Variants in IFT140 observed in about 807,000 individuals in gnomAD.
The protein encoded by IFT140 is intraflagellar transport protein 140 homolog.
In IFT140, 133 loss-of-function variants were observed where a neutral mutation model predicts 164.6. That is an observed-to-expected ratio of 0.81 (90% CI 0.70 to 0.93). The LOEUF (loss-of-function observed/expected upper bound fraction) is 0.93. Ranked by LOEUF, IFT140 falls within the 40% of genes least tolerant of loss-of-function variation. The pLI, the probability that IFT140 is intolerant of heterozygous loss-of-function variation, is 0.00. For synonymous variants in IFT140, 860 were observed against 817.3 expected (o/e 1.05, Z -0.89); for missense variants, 2,045 against 1,972.3 (o/e 1.04, Z -0.70).
intron 18 of IFT140, among the ~76,000 whole-genome samples, chr16:1,559,809 T>C (rs574088715): frequency 2.6e-5 from 4 of 152,258 alleles, no homozygotes; most frequent in African/African-American, 9.6e-5. Flanking sequence ...CACAGACAAT[T>C]GTACTGAAAA....
intron 13 of IFT140, among the ~76,000 whole-genome samples, chr16:1,573,683 C>T (rs1015319888): frequency 7.2e-5 from 11 of 152,080 alleles, no homozygotes; most frequent in Non-Finnish European, 1.0e-4. Flanking sequence ...ACTAGTCACC[C>T]CCCTTATAAG....
At chr16:1,513,071 C>T (rs1415326068) in intron 30 of IFT140, 1 of 152,182 alleles carries the variant, frequency 6.6e-6, no homozygotes, top group Admixed American at 6.5e-5. Flanking sequence ...GTTTGTGAGT[C>T]CCGGGAACTA....
At chr16:1,534,551 C>T in intron 19 of IFT140, 1 of 1,602,682 alleles carries the variant, frequency 6.2e-7, no homozygotes, top group Non-Finnish European at 8.5e-7. Flanking sequence ...GAGGCACCGT[C>T]AAACGTAAGT....
At chr16:1,611,341 A>T (rs965794597) in intron 1 of IFT140, among the ~76,000 whole-genome samples, 3 of 152,052 alleles carry the variant, frequency 2.0e-5, no homozygotes, top group Middle Eastern at 3.2e-3. Context: ...CCTGTCTCTA[A>T]AAAATTACAA....
intron 17 of IFT140, among the ~76,000 whole-genome samples, chr16:1,563,684 C>T (rs2033551380): frequency 1.3e-5 from 2 of 152,236 alleles, no homozygotes; most frequent in Admixed American, 6.5e-5. Flanking sequence ...GTTACAGTGA[C>T]GCTGCCATCA....
chr16:1,603,770 C>T (rs530091593), intron 3 of IFT140, among the ~76,000 whole-genome samples: 2 of 152,338 alleles, frequency 1.3e-5, no homozygotes, highest in Admixed American at 1.3e-4. Flanking sequence ...CGTGAGCCAC[C>T]GTGCCCGGCC....
chr16:1,566,854 A>C (rs1596377355), intron 15 of IFT140, among the ~76,000 whole-genome samples: 1 of 150,830 alleles, frequency 6.6e-6, no homozygotes, highest in Admixed American at 6.6e-5. Context: ...CAGTGGCCCC[A>C]CCTCCCTGGC....
chr16:1,583,301 G>A lies in IFT140; in HGVS notation c.1432+13C>T. ...GTAGTGGGAGTGCCTCTGTCCGGGTGAAAAGAACCCACCTGCACTCCGTAT... is the reference window on the plus strand; with the variant it reads ...GTAGTGGGAGTGCCTCTGTCCGGGTAAAAAGAACCCACCTGCACTCCGTAT... On this transcript the variant is annotated intron_variant, in intron 12 of 30. Coordinates refer to ENST00000426508, the MANE Select transcript of IFT140 (RefSeq NM_014714.4). 2 of 1,612,926 alleles carry A rather than the reference G, an allele frequency of 1.2e-6. No individual in the cohort carries two copies. The highest frequency in any genetic ancestry group is 1.7e-6 in the Non-Finnish European group (2 of 1,178,946).
chr16:1,551,981 G>A lies in IFT140; in HGVS notation c.2399+5954C>T, dbSNP rs1442634538. ...GCCCGCGCTGTCCCCCTGCAATGACGGTACCTCCAGGTCCCCTATGTGTGG... is the reference window on the plus strand; with the variant it reads ...GCCCGCGCTGTCCCCCTGCAATGACAGTACCTCCAGGTCCCCTATGTGTGG... On this transcript the variant is annotated intron_variant, in intron 19 of 30. Coordinates refer to ENST00000426508, the MANE Select transcript of IFT140 (RefSeq NM_014714.4). This position sits in a 1 kb window ranked among gnomAD's most constrained non-coding sequence, Gnocchi z 4.0. Among the ~76,000 whole-genome samples the A allele has an allele frequency of 3.3e-5, 5 of 152,074 alleles. No homozygotes were observed. The highest frequency in any genetic ancestry group is 2.1e-4 in the South Asian group (1 of 4,814).
Position 1,520,723 on chromosome 16 carries a change from G to A in IFT140, c.3539C>T (p.Ser1180Phe). Reference protein sequence around the residue: ...MAEKMTVAKDSSDLPEESRRE... With the variant: ...MAEKMTVAKDFSDLPEESRRE... ...CCGCGACTCCTCAGGCAGGTCCGAGGAGTCCTTGGCCACGGTCATCTTTTC... is the reference window on the plus strand; with the variant it reads ...CCGCGACTCCTCAGGCAGGTCCGAGAAGTCCTTGGCCACGGTCATCTTTTC... Residue 1180 changes from serine (S) to phenylalanine (F), a missense_variant, in exon 27 of 31, where the codon TCC (serine) becomes TTC (phenylalanine). Ser to Phe is a radical substitution (Grantham distance 155). Coordinates refer to ENST00000426508, the MANE Select transcript of IFT140 (RefSeq NM_014714.4). 1.9e-6 allele frequency: 3 copies of A among 1,612,004 alleles called. No individual in the cohort carries two copies. Among genetic ancestry groups the A allele is most frequent in the Non-Finnish European group, 2.5e-6 (3 of 1,179,932 alleles).
chr16:1,513,793 C>A (rs1489074035), intron 30 of IFT140, among the ~76,000 whole-genome samples: 1 of 150,568 alleles, frequency 6.6e-6, no homozygotes, highest in Non-Finnish European at 1.5e-5. Flanking sequence ...CCTGCCTCAG[C>A]CTCCCAAGTA....
At chr16:1,560,152 G>A (rs1345286832) in intron 18 of IFT140, among the ~76,000 whole-genome samples, 2 of 152,220 alleles carry the variant, frequency 1.3e-5, no homozygotes, top group Non-Finnish European at 2.9e-5. Context: ...CCAATCTGGT[G>A]ACACTTGTCT....
At chr16:1,592,887 G>A (rs574350393) in intron 4 of IFT140, among the ~76,000 whole-genome samples, 48 of 151,988 alleles carry the variant, frequency 3.2e-4, no homozygotes, top group Middle Eastern at 3.4e-3. Flanking sequence ...AGAGTGACTG[G>A]TGGAAGGACA....
chr16:1,570,955 C>T (rs577286361), intron 14 of IFT140, among the ~76,000 whole-genome samples: 2 of 152,236 alleles, frequency 1.3e-5, no homozygotes, highest in South Asian at 4.1e-4. Flanking sequence ...CAGGGTTTTG[C>T]TATGTTGCCC....
chr16:1,523,090 T>C (rs1370723622), intron 26 of IFT140, among the ~76,000 whole-genome samples: 1 of 151,650 alleles, frequency 6.6e-6, no homozygotes, highest in Non-Finnish European at 1.5e-5. Context: ...CTGGGGATGG[T>C]GGCACACTCC....
Position 1,571,462 on chromosome 16 carries a change from A to T in IFT140, c.1597T>A (p.Phe533Ile). 2.5e-6 allele frequency: 4 copies of T among 1,614,232 alleles called. No individual in the cohort carries two copies. The highest frequency in any genetic ancestry group is 3.4e-6 in the Non-Finnish European group (4 of 1,180,042). Reference protein sequence around the residue: ...NPCFLDICGNFLVVGTDLAHF... With the variant: ...NPCFLDICGNILVVGTDLAHF... ...GCCAAGTCTGTCCCTACAACCAGGA[A>T]ATTCCCACAGATGTCCAAGAAGCAG... The change falls in exon 14 of 31, where the codon TTC (phenylalanine) becomes ATC (isoleucine). Residue 533 changes from phenylalanine to isoleucine, a missense_variant. Phe to Ile is a conservative substitution (Grantham distance 21, BLOSUM62 0). Transcript: ENST00000426508.
In IFT140 at chr16:1,568,283, C is replaced by T; in HGVS notation, c.1704G>A (p.Gly568=). 1 of 1,613,676 alleles carries T rather than the reference C, an allele frequency of 6.2e-7. No individual in the cohort carries two copies. The highest frequency in any genetic ancestry group is 8.5e-7 in the Non-Finnish European group (1 of 1,179,988). The change falls in exon 15 of 31, where the codon GGG becomes GGA. Residue 568 remains glycine, a synonymous_variant. Coordinates refer to ENST00000426508, the MANE Select transcript of IFT140 (RefSeq NM_014714.4). ...ACCGCAGAGAAGCGATGCCCCCCACCCCAGGGACCAGCTCCGCCAGGCTCC... is the reference window on the plus strand; with the variant it reads ...ACCGCAGAGAAGCGATGCCCCCCACTCCAGGGACCAGCTCCGCCAGGCTCC... The part of the protein sequence containing the change: ...SCRSLAELVP[G]VGGIASLRCS...
intron 24 of IFT140, 135 bp downstream of exon 24, chr16:1,524,417 C>CGG: frequency 8.4e-7 from 1 of 1,196,782 alleles, no homozygotes; most frequent in South Asian, 1.5e-5. Context: ...GTGAGGCAGA[C>CGG]GGGGTGAGCA....
chr16:1,582,618 C>G (rs960689679), intron 12 of IFT140, among the ~76,000 whole-genome samples: 1 of 152,244 alleles, frequency 6.6e-6, no homozygotes, highest in Non-Finnish European at 1.5e-5. Context: ...AAAACAATGG[C>G]CAAGGCCGGG....
Sources: allele counts gnomAD v4.1 joint callset (sites outside exome capture counted in the v4.1 genomes callset), GRCh38; gene constraint gnomAD v4.1.1; non-coding constraint Gnocchi (gnomAD v3.1); transcripts MANE v1.5; gene names NCBI Gene and HGNC (gene_info 2026-07-23, HGNC 2026-07-21).